The following MBTPS1 variants were observed in gnomAD, a reference collection of about 807,000 sequenced individuals.
MBTPS1 encodes the protein membrane bound transcription factor peptidase, site 1, also known as membrane-bound transcription factor site-1 protease.
In MBTPS1, 94 loss-of-function variants were observed where a neutral mutation model predicts 127.8. The ratio of observed to expected loss-of-function variants is 0.74; its 90% CI spans 0.62 to 0.87. MBTPS1 has a LOEUF of 0.87. Ranked by LOEUF, MBTPS1 falls within the 40% of genes least tolerant of loss-of-function variation. MBTPS1 has a pLI of 0.00. For synonymous variants in MBTPS1, 632 were observed against 509.4 expected, an observed-to-expected ratio of 1.24 and a Z score of -3.24; for missense variants, 1,636 against 1,353.2, an observed-to-expected ratio of 1.21 and a Z score of -3.28.
chr16:84,063,232 G>A (rs2085638965), intron 19 of MBTPS1, 73 bp downstream of exon 19: 3 of 1,514,736 alleles, frequency 2.0e-6, no homozygotes, highest in Non-Finnish European at 2.7e-6. Context: ...CATCTCACGG[G>A]CGCCTTTCCA....
At chr16:84,061,951 A>G (rs1158814024) in intron 19 of MBTPS1, among the ~76,000 whole-genome samples, 1 of 152,136 alleles carries the variant, frequency 6.6e-6, no homozygotes, top group Non-Finnish European at 1.5e-5. Context: ...ATGCCCCTGA[A>G]AGATGAAAAA....
intron 22 of MBTPS1, among the ~76,000 whole-genome samples, chr16:84,055,360 T>C (rs2085506883): frequency 6.6e-6 from 1 of 152,142 alleles, no homozygotes; most frequent in African/African-American, 2.4e-5. Flanking sequence ...AAACTCCTCT[T>C]GGTAGCTATA....
In MBTPS1 at chr16:84,091,646, C is replaced by A. The variant is rs1042378672; in HGVS notation, c.963+86G>T. On this transcript the variant is annotated intron_variant, in intron 7 of 22. Coordinates refer to ENST00000343411, the MANE Select transcript of MBTPS1 (RefSeq NM_003791.4). ...AGCTGTCACCACCTGGATGAAAAGC[C>A]ACCAACACACTAGATATGATGCAAA... The A allele has an allele frequency of 1.0e-5, 9 of 875,936 alleles. No homozygotes were observed. In the African/African-American group the frequency reaches 1.3e-4, roughly 13 times the overall value. The allele number at this position is 875,936 out of a possible 1,614,324, so 54.3% of individuals were successfully genotyped here.
intron 1 of MBTPS1, among the ~76,000 whole-genome samples, chr16:84,114,129 TA>T: frequency 1.5e-5 from 1 of 68,420 alleles, no homozygotes; most frequent in African/African-American, 5.3e-5. Flanking sequence ...CACGCCCGGC[TA>T]ATTTTTTTGT....
At chr16:84,066,695 C>A (rs908690808) in intron 16 of MBTPS1, 82 bp from the exon 17 acceptor site, 2 of 1,344,286 alleles carry the variant, frequency 1.5e-6, no homozygotes, top group Non-Finnish European at 2.0e-6. Context: ...TGACAAAACT[C>A]AATTTCTCCT....
At chr16:84,057,927 C>G in intron 21 of MBTPS1, 1 of 152,214 alleles carries the variant, frequency 6.6e-6, no homozygotes, top group Middle Eastern at 3.2e-3. Flanking sequence ...CTGAACAACA[C>G]TGTGGAGAAT....
chr16:84,107,783 C>T (rs980090068), intron 1 of MBTPS1, among the ~76,000 whole-genome samples: 3 of 151,102 alleles, frequency 2.0e-5, no homozygotes, highest in Non-Finnish European at 4.4e-5. Context: ...TGGTTCACTG[C>T]AGCCTCAACC....
At chr16:84,062,658 G>A (rs1337014535) in intron 19 of MBTPS1, among the ~76,000 whole-genome samples, 2 of 152,094 alleles carry the variant, frequency 1.3e-5, no homozygotes, top group Non-Finnish European at 2.9e-5. Context: ...AAAACATGGA[G>A]CACTTTTACC....
chr16:84,107,976 G>A (rs2086347489), intron 1 of MBTPS1, among the ~76,000 whole-genome samples: 2 of 150,802 alleles, frequency 1.3e-5, no homozygotes, highest in Non-Finnish European at 3.0e-5. Context: ...AGAGTGTTGG[G>A]ATTATAGGCA....
At chr16:84,058,041 A>AT (rs1319179192) in intron 21 of MBTPS1, 2 of 152,266 alleles carry the variant, frequency 1.3e-5, no homozygotes, top group African/African-American at 4.8e-5. Flanking sequence ...ATAGAAGGTT[A>AT]TAAATAAATA....
chr16:84,097,584 C>T (rs1215260482), intron 3 of MBTPS1, among the ~76,000 whole-genome samples: 2 of 152,166 alleles, frequency 1.3e-5, no homozygotes, highest in Non-Finnish European at 2.9e-5. Flanking sequence ...TTAGGCAACT[C>T]CGTGTCTCCT....
chr16:84,059,861 A>T (rs1179567835), intron 20 of MBTPS1: 1 of 154,914 alleles, frequency 6.5e-6, no homozygotes, highest in Non-Finnish European at 1.4e-5. Flanking sequence ...TTAGATCTGC[A>T]CCATTGTGCC....
intron 18 of MBTPS1, among the ~76,000 whole-genome samples, 171 bp from the exon 19 acceptor site, chr16:84,063,616 T>C (rs117609228): frequency 6.6e-6 from 1 of 152,246 alleles, no homozygotes; most frequent in African/African-American, 2.4e-5. Flanking sequence ...CCTTTTAGAA[T>C]AGAAATGTCT....
rs902978614 is a variant in MBTPS1 at position 84,095,480 on chromosome 16, G to A, written c.625+122C>T. 5 of 1,022,444 alleles carry A rather than the reference G, an allele frequency of 4.9e-6. No individual in the cohort carries two copies. The African/African-American group carries it at 6.3e-5, about 13-fold the overall frequency. The allele number at this position is 1,022,444 out of a possible 1,614,324, so 63.3% of individuals were successfully genotyped here. ...AAGGTTAGATGTGGAAGGCTGCAGG[G>A]CTTTAGCACTAGGCAGTCCCGAACA... On this transcript the variant is annotated intron_variant, in intron 4 of 22. Transcript: ENST00000343411.
chr16:84,073,938 G>C (rs112165711), intron 12 of MBTPS1, among the ~76,000 whole-genome samples: 4,216 of 152,162 alleles, frequency 0.028, 172 homozygotes, highest in African/African-American at 0.097. Flanking sequence ...CCTGGGAGGC[G>C]GAGGTTGCAG....
Position 84,069,913 on chromosome 16 carries a change from GC to G in MBTPS1, c.1907del (p.Gly636AlafsTer8), listed in dbSNP as rs1157925688. On this transcript the variant is annotated frameshift_variant, in exon 14 of 23. Coordinates refer to ENST00000343411, the MANE Select transcript of MBTPS1 (RefSeq NM_003791.4). LOFTEE classifies it high-confidence loss of function. The stretch of plus-strand genomic sequence containing the variant: ...TCCTTAAATTATCCCTGGGGAAATA[GC>G]CAGGTGGATAGCGGAGGTTGTGGTA... ...DQYHNLRYPP[G>X]YFPRDNLRMK... 1 of 1,614,152 alleles carries G rather than the reference GC, an allele frequency of 6.2e-7. No individual in the cohort carries two copies. Among genetic ancestry groups the G allele is most frequent in the Non-Finnish European group, 8.5e-7 (1 of 1,179,998 alleles).
chr16:84,059,166 A>G, intron 21 of MBTPS1, 136 bp downstream of exon 21: 4 of 1,198,202 alleles, frequency 3.3e-6, no homozygotes, highest in Non-Finnish European at 4.7e-6. Context: ...GGTTCACTAA[A>G]TAACTGTCGC....
At chr16:84,062,228 C>G (rs750903404) in intron 19 of MBTPS1, among the ~76,000 whole-genome samples, 1 of 152,182 alleles carries the variant, frequency 6.6e-6, no homozygotes, top group Non-Finnish European at 1.5e-5. Flanking sequence ...TCAAGCAACT[C>G]TCCCACCTCA....
At chr16:84,078,456 A>C (rs1290071381) in intron 11 of MBTPS1, among the ~76,000 whole-genome samples, 1 of 145,374 alleles carries the variant, frequency 6.9e-6, no homozygotes, top group Non-Finnish European at 1.5e-5. Flanking sequence ...CACCTTACCT[A>C]ACAGAGCTAC....
Sources: gnomAD v4.1 joint callset for allele counts (sites outside exome capture counted in the v4.1 genomes callset) on GRCh38, gnomAD v4.1.1 for gene constraint, MANE v1.5 for transcripts, NCBI Gene and HGNC (gene_info 2026-07-23, HGNC 2026-07-21) for gene names.